Variants in RMDN2 observed in about 807,000 individuals in gnomAD.
RMDN2 encodes regulator of microtubule dynamics 2, also known as regulator of microtubule dynamics protein 2.
Under a neutral mutation model 52.8 loss-of-function variants are expected in RMDN2, and 61 were observed. That is an observed-to-expected ratio of 1.16 (90% CI 0.94 to 1.43). The LOEUF (loss-of-function observed/expected upper bound fraction) is 1.43, where lower values mean the gene tolerates loss of function less well. Among genes scored for constraint, RMDN2 ranks in the 40% most tolerant of loss-of-function variants. RMDN2 has a pLI of 0.00. For synonymous variants in RMDN2, 180 were observed against 153.1 expected (o/e 1.18, Z -1.30); for missense variants, 592 against 475.3 (o/e 1.25, Z -2.28).
Position 37,975,239 on chromosome 2 carries a change from C to T in RMDN2, c.655C>T (p.Arg219Ter), listed in dbSNP as rs141660653. ...KFRDEIEFMW[R>*]FARAYGDMYE... The stretch of plus-strand genomic sequence containing the variant: ...TAGAGATGAAATAGAGTTTATGTGG[C>T]GATTTGCTCGTGCTTATGGAGACAT... The change falls in exon 4 of 11, where the codon CGA becomes TGA. Residue 219 changes from arginine (R) to a stop codon, truncating the protein, a stop_gained. Coordinates refer to ENST00000354545, the MANE Select transcript of RMDN2 (RefSeq NM_001170791.3). LOFTEE classifies it high-confidence loss of function. 120 of 1,607,838 alleles carry T rather than the reference C, an allele frequency of 7.5e-5. No individual in the cohort carries two copies. The highest frequency in any genetic ancestry group is 9.1e-5 in the Non-Finnish European group (107 of 1,174,800).
At chr2:37,925,517 G>C (rs535185791) in intron 1 of RMDN2, 92 bp downstream of exon 1, 1 of 152,556 alleles carries the variant, frequency 6.6e-6, no homozygotes, top group African/African-American at 2.4e-5. Context: ...CTTGCGGTGG[G>C]GGCGACTGCA....
At chr2:38,039,943 C>G (rs922369523) in intron 10 of RMDN2, among the ~76,000 whole-genome samples, 1 of 152,030 alleles carries the variant, frequency 6.6e-6, no homozygotes, top group African/African-American at 2.4e-5. Context: ...TTGGTTTTCT[C>G]CTGTTTTCTT....
chr2:37,988,338 A>G (rs946820349), intron 5 of RMDN2, among the ~76,000 whole-genome samples: 9 of 152,226 alleles, frequency 5.9e-5, no homozygotes, highest in Middle Eastern at 3.2e-3. Context: ...GTCTGATTTT[A>G]GAACTCGTGA....
chr2:37,952,492 A>T (rs556165348), intron 2 of RMDN2: 2 of 462,346 alleles, frequency 4.3e-6, no homozygotes, highest in Non-Finnish European at 3.8e-6. Context: ...GACTATTATA[A>T]TACTTTTGTG....
intron 2 of RMDN2, among the ~76,000 whole-genome samples, chr2:37,933,289 T>G (rs1666996138): frequency 3.7e-5 from 5 of 136,894 alleles, no homozygotes; most frequent in East Asian, 2.2e-4. Context: ...CTTTCCAGAC[T>G]GGGCAGCCAG....
chr2:38,061,376 T>C (rs1261587001), intron 10 of RMDN2, among the ~76,000 whole-genome samples: 1 of 152,242 alleles, frequency 6.6e-6, no homozygotes, highest in African/African-American at 2.4e-5. Flanking sequence ...TATGGGCCAA[T>C]GTCATCTGCT....
intron 2 of RMDN2, among the ~76,000 whole-genome samples, chr2:37,951,035 C>A (rs1343368880): frequency 6.6e-6 from 1 of 152,036 alleles, no homozygotes; most frequent in Non-Finnish European, 1.5e-5. Flanking sequence ...CTTAGACTCC[C>A]GCATTCTTTT....
At chr2:38,033,329 T>C (rs1044894385) in intron 10 of RMDN2, 4 of 152,178 alleles carry the variant, frequency 2.6e-5, no homozygotes, top group African/African-American at 9.7e-5. Flanking sequence ...CATCCCATGG[T>C]GAGATCATCA....
chr2:38,019,794 G>T (rs1252358706), downstream of RMDN2, among the ~76,000 whole-genome samples: 1 of 152,086 alleles, frequency 6.6e-6, no homozygotes, highest in Non-Finnish European at 1.5e-5. Flanking sequence ...GCGTGGTGGT[G>T]CATGCCTGTA....
intron 2 of RMDN2, among the ~76,000 whole-genome samples, chr2:37,936,484 G>A (rs552616268): frequency 1.3e-5 from 2 of 152,254 alleles, no homozygotes; most frequent in Non-Finnish European, 2.9e-5. Context: ...CTTCCAAAAT[G>A]GTTAAACTAA....
At chr2:38,004,549 C>T (rs914195697) in intron 10 of RMDN2, among the ~76,000 whole-genome samples, 1 of 152,096 alleles carries the variant, frequency 6.6e-6, no homozygotes, top group East Asian at 1.9e-4. Flanking sequence ...ACTACAGTCA[C>T]ATTGCTGTCC....
At chr2:37,935,645 T>A (rs1667223238) in intron 2 of RMDN2, among the ~76,000 whole-genome samples, 1 of 152,252 alleles carries the variant, frequency 6.6e-6, no homozygotes, top group African/African-American at 2.4e-5. Flanking sequence ...AGTGTTAATG[T>A]TTCTCCTACA....
At chr2:37,960,340 T>TAC (rs1655598888) in intron 2 of RMDN2, among the ~76,000 whole-genome samples, 1 of 151,568 alleles carries the variant, frequency 6.6e-6, no homozygotes, top group African/African-American at 2.4e-5. Context: ...ATTGGGTGTA[T>TAC]ATATATATAT....
intron 2 of RMDN2, among the ~76,000 whole-genome samples, chr2:37,967,001 T>C (rs918537003): frequency 2.6e-5 from 4 of 152,092 alleles, no homozygotes; most frequent in African/African-American, 4.8e-5. Context: ...GGTGAAATCA[T>C]TGATGCTTTA....
chr2:37,996,086 A>G (rs1397231740), intron 7 of RMDN2, among the ~76,000 whole-genome samples: 3 of 152,196 alleles, frequency 2.0e-5, no homozygotes, highest in East Asian at 1.9e-4. Context: ...TGTTGAAATG[A>G]TGAAATATTT....
intron 10 of RMDN2, among the ~76,000 whole-genome samples, chr2:38,023,904 A>T (rs1044459351): frequency 2.6e-5 from 4 of 152,208 alleles, no homozygotes; most frequent in African/African-American, 7.2e-5. Context: ...TCATCACTTC[A>T]AATGTTTCTT....
At chr2:37,941,287 C>G (rs1010013834) in intron 2 of RMDN2, among the ~76,000 whole-genome samples, 71 of 152,168 alleles carry the variant, frequency 4.7e-4, no homozygotes, top group African/African-American at 1.5e-3. Context: ...AGAGGGCACC[C>G]GCCAGATGTC....
At chr2:37,955,888 C>G (rs569345968) in intron 2 of RMDN2, among the ~76,000 whole-genome samples, 4 of 152,272 alleles carry the variant, frequency 2.6e-5, no homozygotes, top group African/African-American at 9.6e-5. Flanking sequence ...CCTTGCATTC[C>G]TGGAATAAAT....
chr2:38,003,546 TGATAGATAGATAGATAGATAGATA>T (rs57530338), intron 8 of RMDN2, among the ~76,000 whole-genome samples: 8 of 132,378 alleles, frequency 6.0e-5, no homozygotes, highest in Non-Finnish European at 8.1e-5. Context: ...AAGCAAGACC[TGATAGATAGATAGATAGATAGATA>T]GATAGATAGA....
Sources: allele counts gnomAD v4.1 joint callset (sites outside exome capture counted in the v4.1 genomes callset), GRCh38; gene constraint gnomAD v4.1.1; transcripts MANE v1.5; gene names NCBI Gene and HGNC (gene_info 2026-07-23, HGNC 2026-07-21).